Variants in RPTOR observed in about 807,000 individuals in gnomAD.
The protein encoded by RPTOR is regulatory associated protein of MTOR complex 1.
RPTOR carries 21 observed loss-of-function variants against 169.9 expected under a neutral mutation model. The observed-to-expected ratio is 0.12, with a 90% CI of 0.09 to 0.18. RPTOR has a LOEUF of 0.18. Among genes scored for constraint, RPTOR ranks in the 10% least tolerant of loss-of-function variants. The probability of loss-of-function intolerance (pLI) is 1.00; values close to 1 mark genes in which losing one functional copy is unlikely to be tolerated. For missense variants in RPTOR, 1,133 were observed against 1,855.9 expected (o/e 0.61, Z 7.16); for synonymous variants, 732 against 753.2 (o/e 0.97, Z 0.46).
rs1331723253 is a variant in RPTOR at position 80,861,177 on chromosome 17, A to G, written c.1509+3277A>G. Among the ~76,000 whole-genome samples, 1 of 145,126 alleles carries G rather than the reference A, an allele frequency of 6.9e-6. No individual in the cohort carries two copies. The highest frequency in any genetic ancestry group is 1.6e-5 in the Non-Finnish European group (1 of 64,182). ...TGATCCCATCACCGCATTTGCTCTT[A>G]CAAGTCATTTTCACTTCCCTTGGCC... On this transcript the variant is annotated intron_variant, in intron 13 of 33. Transcript: ENST00000306801. This position sits in a 1 kb window ranked among gnomAD's most constrained non-coding sequence, Gnocchi z 4.5.
intron 7 of RPTOR, chr17:80,805,239 A>G (rs1192067651): frequency 6.6e-6 from 1 of 152,282 alleles, no homozygotes; most frequent in Non-Finnish European, 1.5e-5. Context: ...AGATACTTCC[A>G]CAGCAGGAGA....
At chr17:80,740,286 A>C (rs748292335) in intron 5 of RPTOR, among the ~76,000 whole-genome samples, 2 of 152,228 alleles carry the variant, frequency 1.3e-5, no homozygotes, top group African/African-American at 2.4e-5. Context: ...AAATTGTCTG[A>C]AACATAAATC....
intron 17 of RPTOR, among the ~76,000 whole-genome samples, chr17:80,886,006 G>T (rs2068241562): frequency 6.6e-6 from 1 of 152,254 alleles, no homozygotes; most frequent in South Asian, 2.1e-4. Context: ...GAGATGGAAG[G>T]CTGCTCTTGC....
chr17:80,823,369 G>C lies in RPTOR; in HGVS notation c.1136+146G>C. 1.1e-5 allele frequency: 10 copies of C among 917,074 alleles called. No individual in the cohort carries two copies. Among genetic ancestry groups the C allele is most frequent in the South Asian group, 4.5e-5 (2 of 44,342 alleles). 56.8% of individuals were successfully genotyped at this position (917,074 alleles called of 1,614,324 possible). A position where few individuals can be genotyped will look rare whatever the true frequency, so the allele number is the denominator to read the frequency against. On this transcript the variant is annotated intron_variant, in intron 9 of 33. Coordinates refer to ENST00000306801, the MANE Select transcript of RPTOR (RefSeq NM_020761.3). This position sits in a 1 kb window ranked among gnomAD's most constrained non-coding sequence, Gnocchi z 4.5. ...CATTAACAAGTGAAGCTAAATGCAGGGCTCCCAGAGATCTCCACACAGAGG... is the reference window on the plus strand; with the variant it reads ...CATTAACAAGTGAAGCTAAATGCAGCGCTCCCAGAGATCTCCACACAGAGG...
chr17:80,645,863 G>A (rs2065591562), intron 3 of RPTOR, among the ~76,000 whole-genome samples: 1 of 152,222 alleles, frequency 6.6e-6, no homozygotes, highest in South Asian at 2.1e-4. Context: ...TATTCGGACA[G>A]CGAGCACAGG....
chr17:80,762,853 A>G (rs1290115156), intron 6 of RPTOR, among the ~76,000 whole-genome samples: 1 of 152,200 alleles, frequency 6.6e-6, no homozygotes, highest in Non-Finnish European at 1.5e-5. Flanking sequence ...TCTCTCTAAA[A>G]AAAAACGTAG....
intron 3 of RPTOR, among the ~76,000 whole-genome samples, chr17:80,681,041 G>A (rs1351154302): frequency 2.6e-5 from 4 of 152,114 alleles, no homozygotes; most frequent in Non-Finnish European, 2.9e-5. Context: ...CACTCAGGAC[G>A]GGGCTTCAAG....
intron 21 of RPTOR, among the ~76,000 whole-genome samples, chr17:80,920,820 G>T (rs1340974616): frequency 6.6e-6 from 1 of 152,228 alleles, no homozygotes; most frequent in Admixed American, 6.5e-5. Flanking sequence ...TTTTGAGAAG[G>T]CACATATAAA....
chr17:80,911,328 G>A (rs1275877368), intron 21 of RPTOR, among the ~76,000 whole-genome samples: 1 of 152,198 alleles, frequency 6.6e-6, no homozygotes. Context: ...ACCTGGAGAC[G>A]TTCATCCCCA....
intron 3 of RPTOR, among the ~76,000 whole-genome samples, chr17:80,682,445 G>A (rs2065906371): frequency 6.6e-6 from 1 of 152,308 alleles, no homozygotes; most frequent in African/African-American, 2.4e-5. Flanking sequence ...TGGATTATTT[G>A]AGTGAGCCCT....
At chr17:80,843,005 C>T (rs1233263423) in intron 10 of RPTOR, among the ~76,000 whole-genome samples, 2 of 152,344 alleles carry the variant, frequency 1.3e-5, no homozygotes, top group East Asian at 1.9e-4. Context: ...ACAAACTCTA[C>T]GTGACACTTT....
intron 9 of RPTOR, among the ~76,000 whole-genome samples, chr17:80,836,670 G>A (rs1182225413): frequency 1.3e-5 from 2 of 152,188 alleles, no homozygotes; most frequent in Non-Finnish European, 2.9e-5. Flanking sequence ...GGCTGTGTTA[G>A]AGCCTCCGAG....
At chr17:80,602,187 G>A (rs371857886) in intron 1 of RPTOR, among the ~76,000 whole-genome samples, 33,972 of 62,018 alleles carry the variant, frequency 0.55, 14,299 homozygotes, top group East Asian at 0.84. Flanking sequence ...GCGGCTGGCC[G>A]GGCGGGGGGC....
intron 2 of RPTOR, among the ~76,000 whole-genome samples, chr17:80,632,624 A>G (rs1450869524): frequency 1.3e-5 from 2 of 152,176 alleles, no homozygotes; most frequent in African/African-American, 4.8e-5. Context: ...TTAGGAGGGC[A>G]TGTGCTTTTT....
At chr17:80,691,808 G>A (rs1355361267) in intron 3 of RPTOR, among the ~76,000 whole-genome samples, 3 of 152,200 alleles carry the variant, frequency 2.0e-5, no homozygotes, top group East Asian at 3.9e-4. Flanking sequence ...TTTCTCTATG[G>A]GTGTTTCAAA....
chr17:80,809,302 G>A (rs549016038), intron 7 of RPTOR, among the ~76,000 whole-genome samples: 10 of 152,196 alleles, frequency 6.6e-5, no homozygotes, highest in South Asian at 2.1e-4. Context: ...TGCAATTCTC[G>A]TGCCTTAGCC....
At chr17:80,891,598 A>G in intron 17 of RPTOR, 122 bp from the exon 18 acceptor site, 1 of 697,026 alleles carries the variant, frequency 1.4e-6, no homozygotes, top group East Asian at 2.5e-5. Context: ...CCTGTTTCTG[A>G]TGCCAATTGC....
In RPTOR at chr17:80,877,350, G is replaced by A. The variant is rs557267721; in HGVS notation, c.1510-3065G>A. 4.6e-5 allele frequency among the ~76,000 whole-genome samples: 7 copies of A among 152,280 alleles called. No homozygotes were observed. In the South Asian group the frequency reaches 1.2e-3, roughly 27 times the overall value. On this transcript the variant is annotated intron_variant, in intron 13 of 33. Coordinates refer to ENST00000306801, the MANE Select transcript of RPTOR (RefSeq NM_020761.3). ...AACAGATATGTAAATGACCCCTGCC[G>A]AGCGCTGAAAATGAAGGTATGAAAA...
chr17:80,900,057 G>A (rs569845247), intron 20 of RPTOR, among the ~76,000 whole-genome samples: 2 of 152,206 alleles, frequency 1.3e-5, no homozygotes, highest in African/African-American at 2.4e-5. Flanking sequence ...CAGTACCATC[G>A]GCTCTGGGCA....
Sources: gnomAD v4.1 joint callset for allele counts (sites outside exome capture counted in the v4.1 genomes callset) on GRCh38, gnomAD v4.1.1 for gene constraint, Gnocchi (gnomAD v3.1) non-coding constraint, MANE v1.5 for transcripts, NCBI Gene and HGNC (gene_info 2026-07-23, HGNC 2026-07-21) for gene names.